CDH4: variants seen among roughly 807,000 people sequenced by gnomAD.
CDH4 encodes cadherin-4.
Under a neutral mutation model 86.0 loss-of-function variants are expected in CDH4, and 33 were observed. The ratio of observed to expected loss-of-function variants is 0.38; its 90% CI spans 0.29 to 0.51. The LOEUF (loss-of-function observed/expected upper bound fraction) is 0.51, where lower values mean the gene tolerates loss of function less well. Among genes scored for constraint, CDH4 ranks in the 20% least tolerant of loss-of-function variants. The probability of loss-of-function intolerance (pLI) is 0.86; values close to 1 mark genes in which losing one functional copy is unlikely to be tolerated. For synonymous variants in CDH4, 555 were observed against 549.4 expected, an observed-to-expected ratio of 1.01 and a Z score of -0.14; for missense variants, 1,114 against 1,307.4, an observed-to-expected ratio of 0.85 and a Z score of 2.28.
chr20:61,775,453 C>T (rs887451403), intron 4 of CDH4, among the ~76,000 whole-genome samples: 1 of 152,150 alleles, frequency 6.6e-6, no homozygotes, highest in Non-Finnish European at 1.5e-5. Flanking sequence ...TGTGAAGGGC[C>T]AGGTGGTAAA....
intron 2 of CDH4, among the ~76,000 whole-genome samples, chr20:61,353,689 C>CCTCCTCCTCCCCCTGT (rs1568810417): frequency 3.2e-5 from 1 of 31,004 alleles, no homozygotes; most frequent in Non-Finnish European, 6.8e-5. Flanking sequence ...CCTCCCCCTC[C>CCTCCTCCTCCCCCTGT]TCCTCCCCTC....
chr20:61,364,766 C>T (rs369338718), intron 2 of CDH4, among the ~76,000 whole-genome samples: 1 of 152,316 alleles, frequency 6.6e-6, no homozygotes, highest in East Asian at 1.9e-4. Context: ...GTTTCAAACC[C>T]AAGCGATGAT....
At chr20:61,700,132 G>A (rs1208926687) in intron 2 of CDH4, among the ~76,000 whole-genome samples, 1 of 152,190 alleles carries the variant, frequency 6.6e-6, no homozygotes, top group African/African-American at 2.4e-5. Flanking sequence ...GGTCCCAGAG[G>A]GTGGAATGCG....
chr20:61,440,215 C>G (rs556391998), intron 2 of CDH4, among the ~76,000 whole-genome samples: 2 of 152,168 alleles, frequency 1.3e-5, no homozygotes, highest in African/African-American at 4.8e-5. Context: ...ACCAGATAAC[C>G]ACTGAGGAGG....
chr20:61,615,747 G>A (rs1389258224), intron 2 of CDH4, among the ~76,000 whole-genome samples: 1 of 152,228 alleles, frequency 6.6e-6, no homozygotes, highest in Non-Finnish European at 1.5e-5. Flanking sequence ...TGATTTCTAT[G>A]AAATCAGCAT....
intron 2 of CDH4, among the ~76,000 whole-genome samples, chr20:61,288,916 T>C (rs2427032): frequency 0.13 from 19,666 of 152,228 alleles, 1,369 homozygotes; most frequent in Middle Eastern, 0.21. Context: ...CTTTCGCTCT[T>C]CTAAAGTAAA....
chr20:61,888,873 C>G (rs1352037672), intron 7 of CDH4, among the ~76,000 whole-genome samples: 2 of 152,018 alleles, frequency 1.3e-5, no homozygotes, highest in Admixed American at 1.3e-4. Flanking sequence ...GACTGCCTGG[C>G]CCTCACTGGA....
At chr20:61,477,209 C>T (rs1200400476) in intron 2 of CDH4, among the ~76,000 whole-genome samples, 1 of 152,212 alleles carries the variant, frequency 6.6e-6, no homozygotes, top group Admixed American at 6.5e-5. Flanking sequence ...GGAGGGCCAG[C>T]TCCTTGCACC....
intron 2 of CDH4, among the ~76,000 whole-genome samples, chr20:61,272,845 C>T (rs979994796): frequency 7.6e-6 from 1 of 132,032 alleles, no homozygotes; most frequent in African/African-American, 3.0e-5. Flanking sequence ...TGGGGGAGCA[C>T]CATACGCAGT....
Position 61,852,756 on chromosome 20 carries a change from C to T in CDH4, c.735C>T (p.Leu245=). ...MDREEHASYH[L]RAHAVDMNGN... is the part of the protein sequence containing the mutation. ...CCCTGTCTCTGCTGCTTTTCCAGCTCCGAGCCCACGCTGTGGACATGAATG... is the reference window on the plus strand; with the variant it reads ...CCCTGTCTCTGCTGCTTTTCCAGCTTCGAGCCCACGCTGTGGACATGAATG... Residue 245 remains leucine (L), a splice_region_variant and synonymous_variant, in exon 6 of 16, where the codon CTC becomes CTT. Transcript: ENST00000614565. 6.2e-7 allele frequency: 1 copy of T among 1,609,146 alleles called. No individual in the cohort carries two copies. The highest frequency in any genetic ancestry group is 8.5e-7 in the Non-Finnish European group (1 of 1,177,236).
chr20:61,928,466 G>A (rs770141184), intron 12 of CDH4, 43 bp downstream of exon 12: 1 of 1,560,324 alleles, frequency 6.4e-7, no homozygotes, highest in Non-Finnish European at 8.8e-7. Context: ...ACTAGCCTGG[G>A]GTGCAGGCCC....
intron 7 of CDH4, among the ~76,000 whole-genome samples, chr20:61,883,512 C>T (rs1051628247): frequency 6.6e-6 from 1 of 152,230 alleles, no homozygotes; most frequent in Non-Finnish European, 1.5e-5. Flanking sequence ...ACGACCCAGC[C>T]CCAGGGCTGA....
chr20:61,542,179 A>G lies in CDH4; in HGVS notation c.170-201384A>G, dbSNP rs1371352579. Among the ~76,000 whole-genome samples the G allele has an allele frequency of 2.6e-5, 4 of 152,196 alleles. No individual in the cohort carries two copies. The East Asian group carries it at 7.7e-4, about 29-fold the overall frequency. On this transcript the variant is annotated intron_variant, in intron 2 of 15. Transcript: ENST00000614565. ...GGTTAAGCTACTGAGATTTGGGGGC[A>G]GGTTGTTAATTCAGCAAAACCCACC... is the stretch of plus-strand genomic sequence containing the variant.
intron 2 of CDH4, among the ~76,000 whole-genome samples, chr20:61,545,893 TCG>T (rs1491543441): frequency 9.4e-6 from 1 of 106,666 alleles, no homozygotes; most frequent in Non-Finnish European, 2.0e-5. Context: ...CGGTATGTGT[TCG>T]TATGTGTGTG....
intron 2 of CDH4, among the ~76,000 whole-genome samples, chr20:61,299,740 G>GC (rs2084376170): frequency 6.6e-6 from 1 of 152,116 alleles, no homozygotes; most frequent in South Asian, 2.1e-4. Context: ...CATCTCTCAA[G>GC]CCTTTCACAC....
intron 2 of CDH4, among the ~76,000 whole-genome samples, chr20:61,538,306 C>T (rs1172294645): frequency 1.3e-5 from 2 of 152,194 alleles, no homozygotes; most frequent in African/African-American, 4.8e-5. Flanking sequence ...GGGAGAAGGA[C>T]ACCTGCCATC....
chr20:61,415,035 T>C (rs866676978), intron 2 of CDH4, among the ~76,000 whole-genome samples: 25 of 152,262 alleles, frequency 1.6e-4, no homozygotes, highest in African/African-American at 5.8e-4. Context: ...GCTTTTCCGC[T>C]AGCTGGAAAT....
chr20:61,931,331 G>A (rs2055106417), intron 13 of CDH4, among the ~76,000 whole-genome samples: 2 of 152,234 alleles, frequency 1.3e-5, no homozygotes, highest in South Asian at 4.1e-4. Context: ...TCCACGATCT[G>A]GGCCAGGTCA....
At chr20:61,625,979 G>A (rs1461867199) in intron 2 of CDH4, among the ~76,000 whole-genome samples, 5 of 152,276 alleles carry the variant, frequency 3.3e-5, no homozygotes, top group Admixed American at 3.3e-4. Context: ...GCTAGGAAGT[G>A]CTGCACCCAC....
Sources: gnomAD v4.1 joint callset for allele counts (sites outside exome capture counted in the v4.1 genomes callset) on GRCh38, gnomAD v4.1.1 for gene constraint, MANE v1.5 for transcripts, NCBI Gene and HGNC (gene_info 2026-07-23, HGNC 2026-07-21) for gene names.